Variants in DHX30 observed in about 807,000 individuals in gnomAD.
DHX30 encodes the protein ATP-dependent RNA helicase DHX30.
DHX30 carries 4 observed loss-of-function variants against 116.9 expected under a neutral mutation model. The ratio of observed to expected loss-of-function variants is 0.03; its 90% CI spans 0.02 to 0.08. The LOEUF is 0.08. Ranked by LOEUF, DHX30 falls within the 10% of genes least tolerant of loss-of-function variation. DHX30 has a pLI of 1.00. For missense variants in DHX30, 871 were observed against 1,595.1 expected, an observed-to-expected ratio of 0.55 and a Z score of 7.73; for synonymous variants, 697 against 651.7, an observed-to-expected ratio of 1.07 and a Z score of -1.06.
At chr3:47,808,772 C>T (rs1163099682) in intron 2 of DHX30, among the ~76,000 whole-genome samples, 1 of 151,496 alleles carries the variant, frequency 6.6e-6, no homozygotes, top group African/African-American at 2.4e-5. Context: ...GGCGAGGTTT[C>T]CTCATGTTGG....
At chr3:47,831,574 A>AT (rs753532267) in intron 6 of DHX30, among the ~76,000 whole-genome samples, 1 of 150,086 alleles carries the variant, frequency 6.7e-6, no homozygotes, top group African/African-American at 2.5e-5. Context: ...CAGTGCTCTG[A>AT]TTTTTTCCCT....
At chr3:47,838,370 C>T (rs1280398458) in intron 6 of DHX30, among the ~76,000 whole-genome samples, 1 of 152,224 alleles carries the variant, frequency 6.6e-6, no homozygotes, top group Admixed American at 6.5e-5. Flanking sequence ...TTTGTCTCCT[C>T]ACACATAAAA....
chr3:47,844,799 G>A (rs375714787), intron 9 of DHX30, among the ~76,000 whole-genome samples: 122 of 152,324 alleles, frequency 8.0e-4, no homozygotes, highest in African/African-American at 2.9e-3. Context: ...ATGTAGGGAG[G>A]TAAGACACAG....
intron 8 of DHX30, chr3:47,841,963 C>G: frequency 3.4e-6 from 2 of 583,090 alleles, no homozygotes; most frequent in South Asian, 2.0e-5. Flanking sequence ...AGCAGAAGAC[C>G]CATACCTCTT....
chr3:47,804,414 G>A (rs1449402415), intron 1 of DHX30, among the ~76,000 whole-genome samples: 1 of 152,182 alleles, frequency 6.6e-6, no homozygotes, highest in Non-Finnish European at 1.5e-5. Flanking sequence ...AATTAGCCGG[G>A]CATGGTGGCG....
At chr3:47,816,307 C>T (rs2036049973) in intron 3 of DHX30, 1 of 983,756 alleles carries the variant, frequency 1.0e-6, no homozygotes, top group South Asian at 4.7e-5. Flanking sequence ...ACTACCTAGA[C>T]AGGCAGCTCA....
At chr3:47,835,445 G>A (rs2037062474) in intron 6 of DHX30, among the ~76,000 whole-genome samples, 1 of 152,146 alleles carries the variant, frequency 6.6e-6, no homozygotes, top group South Asian at 2.1e-4. Context: ...TGGGATTACA[G>A]GTGTGAGCCA....
intron 6 of DHX30, among the ~76,000 whole-genome samples, chr3:47,839,454 C>G (rs2037268007): frequency 1.3e-5 from 2 of 151,172 alleles, no homozygotes; most frequent in African/African-American, 4.9e-5. Context: ...ACCACCATGC[C>G]CAGCTGATTT....
chr3:47,838,658 C>G (rs779066943), intron 6 of DHX30, among the ~76,000 whole-genome samples: 3 of 152,212 alleles, frequency 2.0e-5, no homozygotes, highest in Non-Finnish European at 2.9e-5. Context: ...CCCGTGCTGT[C>G]TGCTGTCACA....
intron 19 of DHX30, 35 bp downstream of exon 19, chr3:47,849,384 T>C (rs771903606): frequency 2.5e-6 from 4 of 1,591,418 alleles, no homozygotes; most frequent in Non-Finnish European, 3.4e-6. Context: ...GTTCACCAGG[T>C]CCCAGCCTCC....
intron 4 of DHX30, among the ~76,000 whole-genome samples, chr3:47,820,690 A>C (rs535424853): frequency 6.6e-6 from 1 of 152,166 alleles, no homozygotes; most frequent in African/African-American, 2.4e-5. Context: ...TTACGCCTTA[A>C]TTCTGTGCTG....
intron 6 of DHX30, among the ~76,000 whole-genome samples, chr3:47,838,523 A>G (rs2037224495): frequency 6.6e-6 from 1 of 152,204 alleles, no homozygotes. Context: ...AATTTTTAAA[A>G]TTAAATTTAA....
At chr3:47,816,180 A>G (rs1451663974) in intron 3 of DHX30, 10 of 977,602 alleles carry the variant, frequency 1.0e-5, no homozygotes, top group South Asian at 4.7e-5. Flanking sequence ...AAAAAATCAC[A>G]CATCTATAAT....
chr3:47,846,099 A>G lies in DHX30; in HGVS notation c.1093-66A>G, dbSNP rs373907126. 9 of 1,530,694 alleles carry G rather than the reference A, an allele frequency of 5.9e-6. No homozygotes were observed. The South Asian group carries it at 6.0e-5, about 10-fold the overall frequency. 94.8% of individuals were successfully genotyped at this position (1,530,694 alleles called of 1,614,324 possible). A position where few individuals can be genotyped will look rare whatever the true frequency, so the allele number is the denominator to read the frequency against. On this transcript the variant is annotated intron_variant, in intron 10 of 21. Coordinates refer to ENST00000445061, the MANE Select transcript of DHX30 (RefSeq NM_138615.3). ...CATCTGACCCAGGCGAATCCTGCAG[A>G]GTGGCTGGTTGTGTGTGAATGAGGA...
chr3:47,837,339 G>C (rs540962812), intron 6 of DHX30, among the ~76,000 whole-genome samples: 1 of 152,376 alleles, frequency 6.6e-6, no homozygotes, highest in East Asian at 1.9e-4. Context: ...CTTCTGACTA[G>C]TGGTAATTGA....
At chr3:47,806,706 A>G (rs923471418) in intron 2 of DHX30, among the ~76,000 whole-genome samples, 1 of 151,188 alleles carries the variant, frequency 6.6e-6, no homozygotes, top group Admixed American at 6.6e-5. Flanking sequence ...CGGCCTCCCA[A>G]AGTGCTGGGA....
chr3:47,827,620 C>T (rs1396874900), intron 5 of DHX30, 143 bp downstream of exon 5: 5 of 1,201,608 alleles, frequency 4.2e-6, no homozygotes, highest in Admixed American at 3.0e-5. Context: ...CAGAGCAAAG[C>T]TAGGTTTGAA....
intron 2 of DHX30, among the ~76,000 whole-genome samples, chr3:47,805,865 GTGGAGTC>G (rs1384694329): frequency 6.6e-6 from 1 of 152,112 alleles, no homozygotes; most frequent in Non-Finnish European, 1.5e-5. Flanking sequence ...TTTAGTCATT[GTGGAGTC>G]TCTGTCCTGG....
chr3:47,804,467 A>G (rs1227173869), intron 1 of DHX30, among the ~76,000 whole-genome samples: 1 of 152,178 alleles, frequency 6.6e-6, no homozygotes, highest in Non-Finnish European at 1.5e-5. Context: ...AGGCAAGAGA[A>G]TTGCTTGAAC....
Sources: allele counts gnomAD v4.1 joint callset (sites outside exome capture counted in the v4.1 genomes callset), GRCh38; gene constraint gnomAD v4.1.1; transcripts MANE v1.5; gene names NCBI Gene and HGNC (gene_info 2026-07-23, HGNC 2026-07-21).